Variants in SRSF12 observed in about 807,000 individuals in gnomAD.
SRSF12 encodes the protein serine/arginine-rich splicing factor 12.
Under a neutral mutation model 34.1 loss-of-function variants are expected in SRSF12, and 21 were observed. That is an observed-to-expected ratio of 0.62 (90% CI 0.44 to 0.89). The LOEUF is 0.89. Ranked by LOEUF, SRSF12 falls within the 40% of genes least tolerant of loss-of-function variation. The pLI is 0.00. For missense variants in SRSF12, 278 were observed against 327.8 expected, an observed-to-expected ratio of 0.85 and a Z score of 1.17; for synonymous variants, 111 against 110.8, an observed-to-expected ratio of 1.00 and a Z score of -0.01.
In SRSF12 at chr6:89,107,165, A is replaced by G. The variant is rs1411477079; in HGVS notation, c.159T>C (p.Phe53=). The change falls in exon 2 of 5, where the codon TTT becomes TTC. Residue 53 remains phenylalanine, a synonymous_variant. Coordinates refer to ENST00000452027, the MANE Select transcript of SRSF12 (RefSeq NM_080743.5). Reference sequence around the variant, plus strand: ...AAAATAAAGGATATTGAACATAAGCAAATCCTCTTGGGCGGCGAGTGTAGA... The same window carrying G: ...AAAATAAAGGATATTGAACATAAGCGAATCCTCTTGGGCGGCGAGTGTAGA... ...LDFYTRRPRG[F]AYVQFEDVRD... 1 of 1,614,154 alleles carries G rather than the reference A, an allele frequency of 6.2e-7. No homozygotes were observed.
In SRSF12 at chr6:89,098,418, A is replaced by G. The variant is rs1006159691; in HGVS notation, c.*160T>C. The G allele has an allele frequency of 4.2e-6, 4 of 961,056 alleles. No individual in the cohort carries two copies. The highest frequency in any genetic ancestry group is 4.3e-6 in the Non-Finnish European group (3 of 703,380). The allele number at this position is 961,056 out of a possible 1,614,324, so 59.5% of individuals were successfully genotyped here. On this transcript the variant is annotated 3_prime_UTR_variant, in exon 5 of 5. Transcript: ENST00000452027. ...GTGTGGGCCCTTTAAATGGAGACCA[A>G]ATTTTTATTAATCCAAAGCTAGAGA...
intron 1 of SRSF12, among the ~76,000 whole-genome samples, chr6:89,109,930 A>C (rs1436748265): frequency 6.6e-6 from 1 of 152,068 alleles, no homozygotes; most frequent in Non-Finnish European, 1.5e-5. Context: ...TCTCTACTAA[A>C]AATACAAAAA....
At chr6:89,117,104 T>A (rs1397888638) in intron 1 of SRSF12, among the ~76,000 whole-genome samples, 1 of 152,044 alleles carries the variant, frequency 6.6e-6, no homozygotes, top group Non-Finnish European at 1.5e-5. Context: ...TTCCTTAGTA[T>A]CTGTGTTCAG....
At chr6:89,099,415 C>CAT (rs371968971) in intron 4 of SRSF12, among the ~76,000 whole-genome samples, 91,599 of 140,244 alleles carry the variant, frequency 0.65, 30,015 homozygotes, top group East Asian at 0.78. Flanking sequence ...TATATATATA[C>CAT]ATATATATAT....
intron 4 of SRSF12, among the ~76,000 whole-genome samples, chr6:89,099,834 C>T (rs1457719904): frequency 6.6e-6 from 1 of 151,994 alleles, no homozygotes; most frequent in African/African-American, 2.4e-5. Flanking sequence ...CACACCCAGC[C>T]GAAAACAACT....
At position 89,105,191 on chromosome 6, in the gene SRSF12, G is replaced by C. The variant is rs1369510829; in HGVS notation, c.344C>G (p.Pro115Arg). The change falls in exon 4 of 5, where the codon CCC (proline) becomes CGC (arginine). Residue 115 changes from proline (P) to arginine (R), a missense_variant. Physicochemically the swap from Pro to Arg is moderately radical, Grantham distance 103. Transcript: ENST00000452027. Reference protein sequence around the residue: ...SPSDHRRSRSPSQRRTRSRSS... With the variant: ...SPSDHRRSRSRSQRRTRSRSS... ...TCTACTTCGAGTTCTTCTTTGGCTG[G>C]GGCTTCTTGATCTCCTGTGATCACT... The C allele has an allele frequency of 6.2e-7, 1 of 1,611,962 alleles. No individual in the cohort carries two copies. Among genetic ancestry groups the C allele is most frequent in the East Asian group, 2.2e-5 (1 of 44,846 alleles).
At chr6:89,110,292 G>T (rs1166474897) in intron 1 of SRSF12, among the ~76,000 whole-genome samples, 1 of 152,170 alleles carries the variant, frequency 6.6e-6, no homozygotes, top group Non-Finnish European at 1.5e-5. Flanking sequence ...TTATTGAAAT[G>T]AAAAGATACT....
chr6:89,097,067 A>C lies in SRSF12; in HGVS notation c.*1511T>G, dbSNP rs1768306776. ...ACTTGTCCAAATATTACCAGCATACAAATTATTGTTTAAGGTTGTTTCTTA... is the reference window on the plus strand; with the variant it reads ...ACTTGTCCAAATATTACCAGCATACCAATTATTGTTTAAGGTTGTTTCTTA... On this transcript the variant is annotated 3_prime_UTR_variant, in exon 5 of 5. Transcript: ENST00000452027. The C allele has an allele frequency of 6.6e-6, 1 of 152,198 alleles. No individual in the cohort carries two copies. Among genetic ancestry groups the C allele is most frequent in the Non-Finnish European group, 1.5e-5 (1 of 68,040 alleles). The allele number at this position is 152,198 out of a possible 1,614,324, so 9.4% of individuals were successfully genotyped here.
chr6:89,112,582 T>TA (rs1769111082), intron 1 of SRSF12, among the ~76,000 whole-genome samples: 3 of 148,718 alleles, frequency 2.0e-5, no homozygotes. Context: ...CCGGCTAACT[T>TA]TTTTTTTTTG....
At position 89,117,966 on chromosome 6, in the gene SRSF12, C is replaced by T. The variant is rs1406972953; in HGVS notation, c.-79G>A. On this transcript the variant is annotated 5_prime_UTR_variant, in exon 1 of 5. In the 5' UTR this introduces an upstream ATG that the reference lacks. Transcript: ENST00000452027. ...TCTCCCGCTACCGCTGCTACCACCA[C>T]AGGAGCTCCGCCGGCCCCCGGCGCG... is the stretch of plus-strand genomic sequence containing the variant. 7.6e-6 allele frequency: 11 copies of T among 1,448,896 alleles called. No homozygotes were observed. The highest frequency in any genetic ancestry group is 1.9e-4 in the Middle Eastern group (1 of 5,226). 89.8% of individuals were successfully genotyped at this position (1,448,896 alleles called of 1,614,324 possible).
intron 4 of SRSF12, among the ~76,000 whole-genome samples, chr6:89,104,687 T>C (rs1227888271): frequency 3.3e-5 from 5 of 152,176 alleles, no homozygotes; most frequent in African/African-American, 1.2e-4. Flanking sequence ...AAGAGTGTTA[T>C]CTTTTAACAA....
chr6:89,104,301 A>T (rs1163251198), intron 4 of SRSF12, among the ~76,000 whole-genome samples: 1 of 142,348 alleles, frequency 7.0e-6, no homozygotes, highest in Non-Finnish European at 1.5e-5. Flanking sequence ...CAATGGCGTG[A>T]TCTCAGCTCA....
chr6:89,117,022 C>T (rs886822644), intron 1 of SRSF12, among the ~76,000 whole-genome samples: 2 of 152,024 alleles, frequency 1.3e-5, no homozygotes, highest in African/African-American at 4.8e-5. Flanking sequence ...TGTCTATTAA[C>T]ACCGTTCCCT....
chr6:89,107,848 A>G (rs182377740), intron 1 of SRSF12, among the ~76,000 whole-genome samples: 1 of 152,042 alleles, frequency 6.6e-6, no homozygotes, highest in South Asian at 2.1e-4. Context: ...CTTTACAAGC[A>G]CTCCAGGTGG....
intron 1 of SRSF12, among the ~76,000 whole-genome samples, chr6:89,113,884 C>G (rs1214106589): frequency 1.3e-5 from 2 of 152,108 alleles, no homozygotes; most frequent in Non-Finnish European, 2.9e-5. Context: ...CTTAAGTGAT[C>G]TACCCACCTC....
Position 89,098,824 on chromosome 6 carries a change from T to G in SRSF12, c.540A>C (p.Ser180=). Residue 180 remains serine, a synonymous_variant, in exon 5 of 5, where the codon TCA becomes TCC. Transcript: ENST00000452027. ...ACCTCTTTTGTAAGGACTTGGACCT[T>G]GACCGTCCTCTAGAGCCAAAATTCC... The part of the protein sequence containing the change: ...PRRNFGSRGR[S]RSKSLQKRSK... 1 of 1,614,016 alleles carries G rather than the reference T, an allele frequency of 6.2e-7. No individual in the cohort carries two copies.
Position 89,105,035 on chromosome 6 carries a change from G to A in SRSF12, c.416+84C>T, listed in dbSNP as rs964364726. The A allele has an allele frequency of 4.4e-6, 6 of 1,356,658 alleles. No homozygotes were observed. In the African/African-American group the frequency reaches 6.1e-5, roughly 14 times the overall value. The allele number at this position is 1,356,658 out of a possible 1,614,324, so 84.0% of individuals were successfully genotyped here. On this transcript the variant is annotated intron_variant, in intron 4 of 4. Coordinates refer to ENST00000452027, the MANE Select transcript of SRSF12 (RefSeq NM_080743.5). ...CGCACACTACTGCACTCCAGCCTGG[G>A]AAACAATGAGACCCTATCAAAAAAA...
At chr6:89,111,342 T>C (rs1053063757) in intron 1 of SRSF12, among the ~76,000 whole-genome samples, 1 of 152,234 alleles carries the variant, frequency 6.6e-6, no homozygotes, top group Non-Finnish European at 1.5e-5. Flanking sequence ...AAATATGTTG[T>C]AGTTTTTGGT....
intron 1 of SRSF12, among the ~76,000 whole-genome samples, chr6:89,114,510 G>A (rs918914310): frequency 6.6e-6 from 1 of 152,076 alleles, no homozygotes; most frequent in African/African-American, 2.4e-5. Flanking sequence ...TTTTAGTATG[G>A]CACCTAGTAC....
Sources: allele counts gnomAD v4.1 joint callset (sites outside exome capture counted in the v4.1 genomes callset), GRCh38; gene constraint gnomAD v4.1.1; transcripts MANE v1.5; gene names NCBI Gene and HGNC (gene_info 2026-07-23, HGNC 2026-07-21).